MYOF: variants seen among roughly 807,000 people sequenced by gnomAD.
The protein encoded by MYOF is myoferlin.
MYOF carries 244 observed loss-of-function variants against 284.2 expected under a neutral mutation model. The observed-to-expected ratio is 0.86, with a 90% CI of 0.77 to 0.95. The LOEUF (loss-of-function observed/expected upper bound fraction) is 0.95. MYOF is among the 40% of genes least tolerant of loss of function. MYOF has a pLI of 0.00. For missense variants in MYOF, 2,496 were observed against 2,560.6 expected (o/e 0.97, Z 0.54); for synonymous variants, 904 against 919.7 (o/e 0.98, Z 0.31).
intron 50 of MYOF, among the ~76,000 whole-genome samples, chr10:93,314,268 T>C (rs924234408): frequency 6.6e-6 from 1 of 152,188 alleles, no homozygotes; most frequent in Non-Finnish European, 1.5e-5. Context: ...TTTGTATTTT[T>C]AGTGGAGACA....
Position 93,313,223 on chromosome 10 carries a change from A to T in MYOF, c.5699-13T>A. On this transcript the variant is annotated splice_polypyrimidine_tract_variant and intron_variant, in intron 50 of 53. Transcript: ENST00000359263. ...AGTTCTAGGAAACCTAGCCAAGGAAACAACAGTAAGTCCAAATGAGCTTCA... is the reference window on the plus strand; with the variant it reads ...AGTTCTAGGAAACCTAGCCAAGGAATCAACAGTAAGTCCAAATGAGCTTCA... The T allele has an allele frequency of 6.2e-7, 1 of 1,610,174 alleles. No individual in the cohort carries two copies. Among genetic ancestry groups the T allele is most frequent in the Non-Finnish European group, 8.5e-7 (1 of 1,177,846 alleles).
At chr10:93,374,023 G>T (rs183383002) in intron 23 of MYOF, among the ~76,000 whole-genome samples, 1 of 151,962 alleles carries the variant, frequency 6.6e-6, no homozygotes, top group African/African-American at 2.4e-5. Flanking sequence ...CCCCTATCCC[G>T]CTGACAGGCC....
At chr10:93,335,220 G>A (rs1211093799) in intron 41 of MYOF, among the ~76,000 whole-genome samples, 1 of 152,158 alleles carries the variant, frequency 6.6e-6, no homozygotes, top group Non-Finnish European at 1.5e-5. Context: ...AGAAGAGCCT[G>A]TCCCAAGCCT....
intron 3 of MYOF, among the ~76,000 whole-genome samples, chr10:93,441,716 A>G (rs1431709642): frequency 6.6e-6 from 1 of 151,666 alleles, no homozygotes; most frequent in African/African-American, 2.4e-5. Context: ...GGCGCTTGCC[A>G]CCACACGCAG....
In MYOF at chr10:93,413,011, T is replaced by C. The variant is rs563853123; in HGVS notation, c.434-3272A>G. On this transcript the variant is annotated intron_variant, in intron 5 of 53. Transcript: ENST00000359263. ...TTCCTTCCATCATCCTGGGCCTAAG[T>C]GGTACTTCCTCCTTGCCATAATTAT... 3.9e-5 allele frequency among the ~76,000 whole-genome samples: 6 copies of C among 152,244 alleles called. No individual in the cohort carries two copies. In the South Asian group the frequency reaches 1.0e-3, roughly 26 times the overall value.
In MYOF at chr10:93,408,787, C is replaced by G; in HGVS notation, c.729G>C (p.Glu243Asp). The G allele has an allele frequency of 1.2e-6, 2 of 1,614,040 alleles. No homozygotes were observed. The highest frequency in any genetic ancestry group is 1.7e-6 in the Non-Finnish European group (2 of 1,179,988). Reference protein sequence around the residue: ...IKRGNNPFFDELFFYNVNMTP... With the variant: ...IKRGNNPFFDDLFFYNVNMTP... ...AAACATGCCCTCTCAACCCCTTTAC[C>G]TCATCAAAAAAAGGGTTGTTTCCTC... The change falls in exon 7 of 54, where the codon GAG (glutamate) becomes GAC (aspartate). Residue 243 changes from glutamate to aspartate, a missense_variant and splice_region_variant. Glu to Asp is a conservative substitution (Grantham distance 45). Transcript: ENST00000359263.
intron 37 of MYOF, 96 bp from the exon 38 acceptor site, chr10:93,344,028 G>A: frequency 1.5e-6 from 2 of 1,321,282 alleles, no homozygotes; most frequent in Non-Finnish European, 1.1e-6. Context: ...TAGGGTGGAT[G>A]GTAGAGTTTA....
At chr10:93,345,298 AAAAC>A (rs1844137632) in intron 37 of MYOF, among the ~76,000 whole-genome samples, 1 of 152,208 alleles carries the variant, frequency 6.6e-6, no homozygotes, top group South Asian at 2.1e-4. Flanking sequence ...TAAAAATTTT[AAAAC>A]AAACAGAAGC....
In MYOF at chr10:93,323,130, A is replaced by AGAT; in HGVS notation, c.5401_5403dup (p.Ile1801dup). 1.2e-6 allele frequency: 2 copies of AGAT among 1,614,152 alleles called. No individual in the cohort carries two copies. Among genetic ancestry groups the AGAT allele is most frequent in the East Asian group, 4.5e-5 (2 of 44,888 alleles). On this transcript the variant is annotated inframe_insertion, in exon 48 of 54. Transcript: ENST00000359263. ...TCTCCTGTGATGCTTTTCTCGTCCAAGATAACGTCCTTGGTGTTCCAGATG... is the reference window on the plus strand; with the variant it reads ...TCTCCTGTGATGCTTTTCTCGTCCAAGATGATAACGTCCTTGGTGTTCCAGATG...
At chr10:93,474,502 T>C (rs1197139582) in intron 1 of MYOF, among the ~76,000 whole-genome samples, 1 of 152,240 alleles carries the variant, frequency 6.6e-6, no homozygotes, top group African/African-American at 2.4e-5. Flanking sequence ...ATGTCTATTC[T>C]GGTTTGCATC....
chr10:93,318,357 G>A (rs1427276037), intron 49 of MYOF, among the ~76,000 whole-genome samples: 2 of 152,082 alleles, frequency 1.3e-5, no homozygotes, highest in East Asian at 3.9e-4. Flanking sequence ...GAAGGTCAAG[G>A]CTGCAGTGAG....
intron 3 of MYOF, among the ~76,000 whole-genome samples, chr10:93,446,484 T>C (rs1183988954): frequency 6.6e-6 from 1 of 151,992 alleles, no homozygotes; most frequent in African/African-American, 2.4e-5. Context: ...GTAAGTTTTG[T>C]ACAGGAAAAG....
At chr10:93,345,931 G>GT (rs1589422117) in intron 37 of MYOF, among the ~76,000 whole-genome samples, 1 of 152,146 alleles carries the variant, frequency 6.6e-6, no homozygotes, top group East Asian at 1.9e-4. Context: ...ACAGGTCCAC[G>GT]TAAGTGATTC....
At chr10:93,445,217 C>T (rs2056395172) in intron 3 of MYOF, among the ~76,000 whole-genome samples, 1 of 152,122 alleles carries the variant, frequency 6.6e-6, no homozygotes, top group Non-Finnish European at 1.5e-5. Flanking sequence ...GTCAAGTGTA[C>T]AGGCCTGGAT....
chr10:93,416,708 C>T (rs1848137709), intron 5 of MYOF, among the ~76,000 whole-genome samples: 1 of 151,140 alleles, frequency 6.6e-6, no homozygotes, highest in Admixed American at 6.6e-5. Context: ...AGGGATTCTC[C>T]AGCCTCAATC....
intron 1 of MYOF, among the ~76,000 whole-genome samples, chr10:93,477,966 CA>C (rs1169522532): frequency 6.6e-6 from 1 of 152,050 alleles, no homozygotes. Flanking sequence ...ATGTCTAGAG[CA>C]AAAGATCAAG....
At chr10:93,396,376 T>TA (rs1272448134) in intron 15 of MYOF, 152 bp from the exon 16 acceptor site, 1 of 541,154 alleles carries the variant, frequency 1.8e-6, no homozygotes, top group Non-Finnish European at 3.1e-6. Context: ...CCTCAAACTT[T>TA]ATTGTACTTA....
At chr10:93,456,030 G>A (rs571962788) in intron 2 of MYOF, among the ~76,000 whole-genome samples, 49 of 152,270 alleles carry the variant, frequency 3.2e-4, no homozygotes, top group Middle Eastern at 3.4e-3. Flanking sequence ...GTCGACAGTG[G>A]GGGGAGGTAA....
At chr10:93,337,781 G>C in intron 40 of MYOF, 34 bp downstream of exon 40, 1 of 1,570,390 alleles carries the variant, frequency 6.4e-7, no homozygotes, top group East Asian at 2.2e-5. Context: ...AAAGGATGTT[G>C]ATTCTCCACC....
Sources: gnomAD v4.1 joint callset for allele counts (sites outside exome capture counted in the v4.1 genomes callset) on GRCh38, gnomAD v4.1.1 for gene constraint, MANE v1.5 for transcripts, NCBI Gene and HGNC (gene_info 2026-07-23, HGNC 2026-07-21) for gene names.